The following PID1 variants were observed in gnomAD, a reference collection of about 807,000 sequenced individuals.
PID1 encodes the protein PTB-containing, cubilin and LRP1-interacting protein.
In PID1, 10 loss-of-function variants were observed where a neutral mutation model predicts 19.1. The observed-to-expected ratio is 0.52, with a 90% CI of 0.32 to 0.89. The LOEUF (loss-of-function observed/expected upper bound fraction) is 0.89. Among genes scored for constraint, PID1 ranks in the 40% least tolerant of loss-of-function variants. The pLI, the probability that PID1 is intolerant of heterozygous loss-of-function variation, is 0.03. For missense variants in PID1, 248 were observed against 285.3 expected (o/e 0.87, Z 0.94); for synonymous variants, 130 against 116.0 (o/e 1.12, Z -0.78).
intron 1 of PID1, among the ~76,000 whole-genome samples, chr2:229,231,076 C>A (rs1314878551): frequency 6.6e-6 from 1 of 152,134 alleles, no homozygotes; most frequent in Non-Finnish European, 1.5e-5. Context: ...CTCGCCCCAG[C>A]CAGTGTCCCA....
rs1257602617 is a variant in PID1 at position 229,025,594 on chromosome 2, T to A, written c.*38A>T. 6.7e-7 allele frequency: 1 copy of A among 1,486,198 alleles called. No individual in the cohort carries two copies. The highest frequency in any genetic ancestry group is 9.3e-7 in the Non-Finnish European group (1 of 1,072,330). 92.1% of individuals were successfully genotyped at this position (1,486,198 alleles called of 1,614,324 possible). A position where few individuals can be genotyped will look rare whatever the true frequency, so the allele number is the denominator to read the frequency against. On this transcript the variant is annotated 3_prime_UTR_variant, in exon 3 of 3. Transcript: ENST00000392055. ...TACTCATCTATTCCCTTGAACTCCGTGACCAATGCTGCCTTTGCTGAAGCG... is the reference window on the plus strand; with the variant it reads ...TACTCATCTATTCCCTTGAACTCCGAGACCAATGCTGCCTTTGCTGAAGCG...
At chr2:229,187,127 T>C (rs1276614058) in intron 1 of PID1, among the ~76,000 whole-genome samples, 3 of 152,166 alleles carry the variant, frequency 2.0e-5, no homozygotes, top group African/African-American at 4.8e-5. Context: ...CGTATCACTA[T>C]CCGCATTTTT....
At chr2:229,177,362 G>C (rs1056433758) in intron 1 of PID1, among the ~76,000 whole-genome samples, 3 of 152,256 alleles carry the variant, frequency 2.0e-5, no homozygotes, top group Non-Finnish European at 2.9e-5. Context: ...AAAATAAGTA[G>C]AACAGGTAGC....
At position 229,025,237 on chromosome 2, in the gene PID1, T is replaced by C. The variant is rs544381730; in HGVS notation, c.*395A>G. The C allele has an allele frequency of 1.5e-5, 3 of 199,210 alleles. No individual in the cohort carries two copies. Among genetic ancestry groups the C allele is most frequent in the South Asian group, 1.7e-4 (2 of 11,766 alleles). 12.3% of individuals were successfully genotyped at this position (199,210 alleles called of 1,614,324 possible). On this transcript the variant is annotated 3_prime_UTR_variant, in exon 3 of 3. Coordinates refer to ENST00000392055, the MANE Select transcript of PID1 (RefSeq NM_001100818.2). Reference sequence around the variant, plus strand: ...CCTGCCCACCCCACTAGAGATCCCATAGGTGCCCCTAACATTCTTGTGGAA... The same window carrying C: ...CCTGCCCACCCCACTAGAGATCCCACAGGTGCCCCTAACATTCTTGTGGAA...
chr2:229,096,521 AAAG>A (rs1694974056), intron 2 of PID1, among the ~76,000 whole-genome samples: 1 of 152,192 alleles, frequency 6.6e-6, no homozygotes, highest in Non-Finnish European at 1.5e-5. Context: ...CATGTGACAT[AAAG>A]AAGACAGCTT....
At chr2:229,120,807 C>T (rs1357589703) in intron 2 of PID1, among the ~76,000 whole-genome samples, 2 of 151,778 alleles carry the variant, frequency 1.3e-5, no homozygotes, top group East Asian at 3.9e-4. Context: ...TGGCTTTGTT[C>T]CATTCTCGAG....
At chr2:229,102,003 G>A (rs1440827441) in intron 2 of PID1, among the ~76,000 whole-genome samples, 3 of 152,144 alleles carry the variant, frequency 2.0e-5, no homozygotes, top group Non-Finnish European at 4.4e-5. Context: ...GAGGAAGGGA[G>A]AATAGTCAGT....
At chr2:229,106,274 C>G (rs961508492) in intron 2 of PID1, among the ~76,000 whole-genome samples, 1 of 152,070 alleles carries the variant, frequency 6.6e-6, no homozygotes, top group Non-Finnish European at 1.5e-5. Context: ...AGTAACTATT[C>G]ATTATTTCTT....
In PID1 at chr2:229,103,263, C is replaced by T. The variant is rs141832583; in HGVS notation, c.177+52555G>A. On this transcript the variant is annotated intron_variant, in intron 2 of 2. Transcript: ENST00000392055. Reference sequence around the variant, plus strand: ...GCAAGGTAGGGTCATGTGACTGGCACTTGTCAATGGGACAAGGGAAGGGCT... The same window carrying T: ...GCAAGGTAGGGTCATGTGACTGGCATTTGTCAATGGGACAAGGGAAGGGCT... 6.8e-4 allele frequency among the ~76,000 whole-genome samples: 103 copies of T among 152,262 alleles called. 2 individuals carry two copies. The South Asian group carries it at 0.02, about 29-fold the overall frequency.
intron 2 of PID1, among the ~76,000 whole-genome samples, chr2:229,133,399 A>G (rs1029229006): frequency 6.6e-6 from 1 of 152,250 alleles, no homozygotes; most frequent in African/African-American, 2.4e-5. Flanking sequence ...TGACTTGAGT[A>G]GTCCTCCTAC....
chr2:229,144,612 G>A (rs1690088435), intron 2 of PID1, among the ~76,000 whole-genome samples: 1 of 152,050 alleles, frequency 6.6e-6, no homozygotes, highest in Non-Finnish European at 1.5e-5. Context: ...TAGCAAAACG[G>A]AGGAAAGAGA....
At chr2:229,259,863 C>A (rs1276309624) in intron 1 of PID1, among the ~76,000 whole-genome samples, 1 of 152,086 alleles carries the variant, frequency 6.6e-6, no homozygotes, top group Middle Eastern at 3.2e-3. Context: ...GCTCATCCAG[C>A]CCTTACCTTA....
chr2:229,177,825 G>A (rs538393042), intron 1 of PID1, among the ~76,000 whole-genome samples: 1 of 152,232 alleles, frequency 6.6e-6, no homozygotes, highest in Non-Finnish European at 1.5e-5. Flanking sequence ...TAATGACTCA[G>A]GAAATGCTCA....
intron 2 of PID1, among the ~76,000 whole-genome samples, chr2:229,089,917 C>G (rs957823525): frequency 6.6e-6 from 1 of 152,118 alleles, no homozygotes; most frequent in African/African-American, 2.4e-5. Context: ...AAATGAGAGA[C>G]AGAAGAACTG....
At chr2:229,074,226 T>C (rs548869374) in intron 2 of PID1, among the ~76,000 whole-genome samples, 2 of 152,288 alleles carry the variant, frequency 1.3e-5, no homozygotes, top group Admixed American at 6.5e-5. Flanking sequence ...ATATTTGATT[T>C]CTGTCAACAG....
intron 2 of PID1, among the ~76,000 whole-genome samples, chr2:229,047,954 G>C (rs1693916622): frequency 6.6e-6 from 1 of 152,214 alleles, no homozygotes; most frequent in Non-Finnish European, 1.5e-5. Context: ...AAAAGCAGGA[G>C]AGTCTGCATA....
chr2:229,190,607 GA>G (rs1477120231), intron 1 of PID1, among the ~76,000 whole-genome samples: 1 of 152,252 alleles, frequency 6.6e-6, no homozygotes, highest in African/African-American at 2.4e-5. Flanking sequence ...AGAGGCAGGA[GA>G]AAGACTGAGA....
intron 2 of PID1, among the ~76,000 whole-genome samples, chr2:229,052,269 T>C (rs1209026018): frequency 6.6e-6 from 1 of 152,080 alleles, no homozygotes. Context: ...CTACAAATCA[T>C]CTTCTTGAGG....
Position 229,155,876 on chromosome 2 carries a change from G to A in PID1, c.119C>T (p.Ala40Val), listed in dbSNP as rs750696637. The change falls in exon 2 of 3, where the codon GCC becomes GTC. Residue 40 changes from alanine to valine, a missense_variant. Physicochemically the swap from Ala to Val is moderately conservative, Grantham distance 64. Coordinates refer to ENST00000392055, the MANE Select transcript of PID1 (RefSeq NM_001100818.2). ...CGGTGTGGTCGTGCACAGCTCAATG[G>A]CCTCCGGCTCATGGAAGATGACCGC... is the stretch of plus-strand genomic sequence containing the variant. The part of the protein sequence containing the change: ...LPAVIFHEPE[A>V]IELCTTTPLM... The A allele has an allele frequency of 5.0e-6, 8 of 1,613,884 alleles. No homozygotes were observed. In the South Asian group the frequency reaches 8.8e-5, roughly 18 times the overall value.
Sources: allele counts gnomAD v4.1 joint callset (sites outside exome capture counted in the v4.1 genomes callset), GRCh38; gene constraint gnomAD v4.1.1; transcripts MANE v1.5; gene names NCBI Gene and HGNC (gene_info 2026-07-23, HGNC 2026-07-21).